Variants in CHCHD3 observed in about 807,000 individuals in gnomAD.
CHCHD3 encodes the protein coiled-coil-helix-coiled-coil-helix domain containing 3, also known as MICOS complex subunit MIC19.
In CHCHD3, 20 loss-of-function variants were observed where a neutral mutation model predicts 38.2. The observed-to-expected ratio is 0.52, with a 90% CI of 0.37 to 0.76. The LOEUF is 0.76. Ranked by LOEUF, CHCHD3 falls within the 30% of genes least tolerant of loss-of-function variation. The probability of loss-of-function intolerance (pLI) is 0.00; values close to 1 mark genes in which losing one functional copy is unlikely to be tolerated. For synonymous variants in CHCHD3, 82 were observed against 100.0 expected (o/e 0.82, Z 1.07); for missense variants, 245 against 279.2 (o/e 0.88, Z 0.87).
intron 3 of CHCHD3, among the ~76,000 whole-genome samples, chr7:133,001,154 G>C (rs542701545): frequency 1.3e-5 from 2 of 152,096 alleles, no homozygotes; most frequent in South Asian, 2.1e-4. Context: ...CTCAATCCTT[G>C]CATGTTACCT....
intron 6 of CHCHD3, among the ~76,000 whole-genome samples, chr7:132,811,175 CT>C (rs1442927892): frequency 6.6e-6 from 1 of 152,196 alleles, no homozygotes; most frequent in African/African-American, 2.4e-5. Context: ...AAGAGTGTCT[CT>C]CTCATCCAAA....
chr7:132,870,337 G>A (rs1200491024), intron 5 of CHCHD3, among the ~76,000 whole-genome samples: 2 of 132,868 alleles, frequency 1.5e-5, no homozygotes, highest in Admixed American at 9.3e-5. Flanking sequence ...GTGACACTGC[G>A]AGACCTATCT....
chr7:132,835,779 T>G lies in CHCHD3; in HGVS notation c.524+2620A>C, dbSNP rs1807765656. 2.0e-5 allele frequency among the ~76,000 whole-genome samples: 3 copies of G among 152,358 alleles called. No homozygotes were observed. In the South Asian group the frequency reaches 6.2e-4, roughly 32 times the overall value. ...AAGCCCACTGCTCAGTACCTCAGAA[T>G]GTGACTGTATTTGGGGTGAGGGTCT... On this transcript the variant is annotated intron_variant, in intron 6 of 7. Coordinates refer to ENST00000262570, the MANE Select transcript of CHCHD3 (RefSeq NM_017812.4).
At chr7:132,997,658 G>GT (rs1554399129) in intron 3 of CHCHD3, among the ~76,000 whole-genome samples, 11 of 49,762 alleles carry the variant, frequency 2.2e-4, no homozygotes, top group Admixed American at 5.1e-4. Context: ...TAACAGGGTT[G>GT]TAAAAAAAAA....
intron 5 of CHCHD3, among the ~76,000 whole-genome samples, chr7:132,855,313 A>G (rs1250784882): frequency 6.6e-6 from 1 of 152,224 alleles, no homozygotes; most frequent in Non-Finnish European, 1.5e-5. Flanking sequence ...AGAAGATCCA[A>G]TGCAGATGAT....
intron 4 of CHCHD3, among the ~76,000 whole-genome samples, chr7:132,902,464 T>C (rs1389590024): frequency 6.6e-6 from 1 of 152,156 alleles, no homozygotes; most frequent in Non-Finnish European, 1.5e-5. Flanking sequence ...GTGGCATATA[T>C]ACACCATGGA....
chr7:132,817,573 C>G (rs1011328303), intron 6 of CHCHD3, among the ~76,000 whole-genome samples: 2 of 152,134 alleles, frequency 1.3e-5, no homozygotes, highest in Non-Finnish European at 2.9e-5. Context: ...CTCCTGCCAC[C>G]TCTGGGGTTC....
chr7:133,020,285 A>T (rs999917562), intron 3 of CHCHD3, among the ~76,000 whole-genome samples: 11 of 152,202 alleles, frequency 7.2e-5, no homozygotes, highest in Non-Finnish European at 1.6e-4. Context: ...CTGTATTGTC[A>T]CTGTGGCCTT....
chr7:133,030,540 C>T (rs1278528130), intron 2 of CHCHD3, among the ~76,000 whole-genome samples: 1 of 151,762 alleles, frequency 6.6e-6, no homozygotes, highest in Non-Finnish European at 1.5e-5. Context: ...GGAGTAAAAA[C>T]AAAAAAATGT....
chr7:132,885,729 T>C lies in CHCHD3; in HGVS notation c.386A>G (p.Glu129Gly), dbSNP rs764943413. 3.1e-6 allele frequency: 5 copies of C among 1,609,132 alleles called. 1 individual carries two copies. The South Asian group carries it at 5.5e-5, about 18-fold the overall frequency. ...CTGCTTCTTTAGCACTCGGTCTTTC[T>C]CTTCCAGCTGCCTAGCCTAAAAAAA... The part of the protein sequence containing the change: ...KAKHLARQLE[E>G]KDRVLKKQDA... The change falls in exon 5 of 8, where the codon GAG (glutamate) becomes GGG (glycine). Residue 129 changes from glutamate to glycine, a missense_variant. Physicochemically the swap from Glu to Gly is moderately conservative, Grantham distance 98 (BLOSUM62 -2). Coordinates refer to ENST00000262570, the MANE Select transcript of CHCHD3 (RefSeq NM_017812.4).
In CHCHD3 at chr7:133,081,932, A is replaced by C. The variant is rs1584694569; in HGVS notation, c.6T>G (p.Gly2=). The change falls in exon 1 of 8, where the codon GGT becomes GGG. Residue 2 remains glycine, a synonymous_variant. Coordinates refer to ENST00000262570, the MANE Select transcript of CHCHD3 (RefSeq NM_017812.4). The part of the protein sequence containing the change: M[G]GTTSTRRVTF... ...TGACCCGGCGGGTGCTGGTGGTCCC[A>C]CCCATGATTCCGGTTCCTGCCCCAG... 5.8e-6 allele frequency: 9 copies of C among 1,551,644 alleles called. No individual in the cohort carries two copies. The highest frequency in any genetic ancestry group is 7.8e-6 in the Non-Finnish European group (9 of 1,147,660).
chr7:132,896,401 C>T (rs975536378), intron 4 of CHCHD3, among the ~76,000 whole-genome samples: 1 of 152,058 alleles, frequency 6.6e-6, no homozygotes, highest in Non-Finnish European at 1.5e-5. Flanking sequence ...ATATATAATT[C>T]CTGAGAACAA....
intron 4 of CHCHD3, among the ~76,000 whole-genome samples, chr7:132,940,132 A>C (rs960015364): frequency 6.6e-6 from 1 of 152,220 alleles, no homozygotes; most frequent in Non-Finnish European, 1.5e-5. Flanking sequence ...TTACAAATAA[A>C]GACTAGATTA....
At chr7:132,991,255 G>T (rs1217286667) in intron 3 of CHCHD3, among the ~76,000 whole-genome samples, 1 of 151,934 alleles carries the variant, frequency 6.6e-6, no homozygotes, top group African/African-American at 2.4e-5. Context: ...TCTGTTTAGT[G>T]TTTATAAGCT....
Position 132,984,936 on chromosome 7 carries a change from CG to C in CHCHD3, c.252-9651del, listed in dbSNP as rs1812054785. On this transcript the variant is annotated intron_variant, in intron 3 of 7. Coordinates refer to ENST00000262570, the MANE Select transcript of CHCHD3 (RefSeq NM_017812.4). ...CCCCCGCCCGGCCAGCCGCCCCGTC[CG>C]GGAGGTGAGGGGCGCCTCTGCCCGG... Among the ~76,000 whole-genome samples the C allele has an allele frequency of 5.4e-5, 4 of 74,662 alleles. 1 individual carries two copies. The South Asian group carries it at 1.4e-3, about 26-fold the overall frequency. 49.0% of individuals were successfully genotyped at this position (74,662 alleles called of 152,430 possible). A position where few individuals can be genotyped will look rare whatever the true frequency, so the allele number is the denominator to read the frequency against.
intron 2 of CHCHD3, among the ~76,000 whole-genome samples, chr7:133,029,770 T>A (rs1470774456): frequency 6.6e-6 from 1 of 152,050 alleles, no homozygotes; most frequent in Non-Finnish European, 1.5e-5. Flanking sequence ...TCATCAGCCC[T>A]GCCACTTGCT....
chr7:133,014,306 C>T (rs1278370433), intron 3 of CHCHD3, among the ~76,000 whole-genome samples: 2 of 145,550 alleles, frequency 1.4e-5, no homozygotes, highest in Non-Finnish European at 3.0e-5. Flanking sequence ...CTAAATCACA[C>T]TAAAATTGTT....
intron 6 of CHCHD3, among the ~76,000 whole-genome samples, chr7:132,812,200 C>CTTTTCTTT (rs1554495564): frequency 1.2e-5 from 1 of 81,072 alleles, no homozygotes; most frequent in African/African-American, 4.4e-5. Flanking sequence ...TTTTTCTTTT[C>CTTTTCTTT]TTTTTTTTTT....
chr7:132,835,427 A>G (rs1807754850), intron 6 of CHCHD3, among the ~76,000 whole-genome samples: 1 of 152,202 alleles, frequency 6.6e-6, no homozygotes, highest in South Asian at 2.1e-4. Flanking sequence ...AATAATATTT[A>G]ATAGGTAAGA....
Sources: allele counts gnomAD v4.1 joint callset (sites outside exome capture counted in the v4.1 genomes callset), GRCh38; gene constraint gnomAD v4.1.1; transcripts MANE v1.5; gene names NCBI Gene and HGNC (gene_info 2026-07-23, HGNC 2026-07-21).